Variants in CACNA1A observed in about 807,000 individuals in gnomAD.
CACNA1A encodes calcium voltage-gated channel subunit alpha1 A, also known as voltage-dependent P/Q-type calcium channel subunit alpha-1A.
A neutral mutation model predicts 262.4 loss-of-function variants in CACNA1A; 57 were observed. That is an observed-to-expected ratio of 0.22 (90% CI 0.18 to 0.27). The LOEUF is 0.27. Among genes scored for constraint, CACNA1A ranks in the 10% least tolerant of loss-of-function variants. The pLI is 1.00. For missense variants in CACNA1A, 2,526 were observed against 3,562.8 expected (o/e 0.71, Z 7.41); for synonymous variants, 1,431 against 1,419.3 (o/e 1.01, Z -0.18).
intron 1 of CACNA1A, among the ~76,000 whole-genome samples, chr19:13,500,589 A>G (rs1267384360): frequency 6.6e-6 from 1 of 152,232 alleles, no homozygotes; most frequent in Non-Finnish European, 1.5e-5. Context: ...AAAGATGGGA[A>G]TGTAAAATGG....
chr19:13,258,529 C>T (rs548239314), intron 27 of CACNA1A: 6 of 152,058 alleles, frequency 3.9e-5, no homozygotes, highest in African/African-American at 1.2e-4. Context: ...AAGTCTATTG[C>T]GATGATTTTC....
At chr19:13,430,219 T>TATATATATATATATA (rs549050308) in intron 3 of CACNA1A, among the ~76,000 whole-genome samples, 1 of 149,672 alleles carries the variant, frequency 6.7e-6, no homozygotes, top group African/African-American at 2.5e-5. Context: ...ATATATATAT[T>TATATATATATATATA]TTTTGAGACA....
intron 1 of CACNA1A, among the ~76,000 whole-genome samples, chr19:13,496,896 A>C (rs991702937): frequency 6.6e-6 from 1 of 152,192 alleles, no homozygotes; most frequent in East Asian, 1.9e-4. Context: ...TAATCCTCCC[A>C]GATAGGAGCT....
chr19:13,230,101 C>G lies in CACNA1A; in HGVS notation c.5509G>C (p.Glu1837Gln), dbSNP rs1408989522. ...TCTTACCAAGCTGCGGGGTCATACT[C>G]GGCCCAGACACGCACGTACTCATCC... is the stretch of plus-strand genomic sequence containing the variant. ...HLDEYVRVWAEYDPAAWGRMP... is the reference protein window; with the variant it reads ...HLDEYVRVWAQYDPAAWGRMP... Residue 1837 changes from glutamate (E) to glutamine (Q), a missense_variant, in exon 36 of 47, where the codon GAG becomes CAG. Glu to Gln is a conservative substitution (Grantham distance 29). This residue lies in a region of CACNA1A where 112 missense variants were observed against 197.2 expected (regional missense o/e 0.57). Transcript: ENST00000360228. 10 of 1,613,380 alleles carry G rather than the reference C, an allele frequency of 6.2e-6. No homozygotes were observed.
In CACNA1A at chr19:13,212,157, G is replaced by A; in HGVS notation, c.6249C>T (p.Pro2083=). ...DGYSDSEHYL[P]MEGQGRAASM... ...AGGCAGCCCGGCCCTGGCCTTCCAT[G>A]GGGAGGTAGTGCTCGCTGTCGGAGT... Residue 2083 remains proline (P), a synonymous_variant, in exon 43 of 47, where the codon CCC becomes CCT. Coordinates refer to ENST00000360228, the MANE Select transcript of CACNA1A (RefSeq NM_001127222.2). This position sits in a 1 kb window ranked among gnomAD's most constrained non-coding sequence, Gnocchi z 5.6. The A allele has an allele frequency of 6.2e-7, 1 of 1,613,840 alleles. No individual in the cohort carries two copies. Among genetic ancestry groups the A allele is most frequent in the Non-Finnish European group, 8.5e-7 (1 of 1,179,764 alleles).
chr19:13,496,182 G>A (rs1336704297), intron 1 of CACNA1A, among the ~76,000 whole-genome samples: 1 of 152,198 alleles, frequency 6.6e-6, no homozygotes, highest in East Asian at 1.9e-4. Context: ...AGACTGCGTT[G>A]TGATCAGAAA....
rs1248180253 is a variant in CACNA1A, at chr19:13,298,700, C to G, written c.2933G>C (p.Arg978Pro). The G allele has an allele frequency of 1.4e-6, 2 of 1,459,486 alleles. No homozygotes were observed. Among genetic ancestry groups the G allele is most frequent in the South Asian group, 2.8e-5 (2 of 72,450 alleles). The allele number at this position is 1,459,486 out of a possible 1,614,324, so 90.4% of individuals were successfully genotyped here. The change falls in exon 19 of 47, where the codon CGG becomes CCG. Residue 978 changes from arginine (R) to proline (P), a missense_variant. Around this residue, in one of 17 missense-constraint regions of CACNA1A, gnomAD observed 765 missense variants for 748.6 expected, o/e 1.02. Transcript: ENST00000360228. The part of the protein sequence containing the change: ...GPEDKAERRA[R>P]HREGSRPARG... ...GGCCGGCCGGCTGCCCTCGCGGTGC[C>G]GCGCCCTCCGCTCCGCCTTGTCCTC...
intron 3 of CACNA1A, among the ~76,000 whole-genome samples, chr19:13,419,381 A>G (rs1283231435): frequency 1.3e-5 from 2 of 152,156 alleles, no homozygotes. Context: ...CAGTTCTTAG[A>G]CTATATTTCC....
At chr19:13,344,722 T>C (rs1256873308) in intron 6 of CACNA1A, among the ~76,000 whole-genome samples, 1 of 145,550 alleles carries the variant, frequency 6.9e-6, no homozygotes, top group Non-Finnish European at 1.5e-5. Flanking sequence ...GGGTTCCTGT[T>C]GGTGGATCAT....
intron 30 of CACNA1A, among the ~76,000 whole-genome samples, chr19:13,248,044 G>T (rs2056295247): frequency 6.6e-6 from 1 of 152,100 alleles, no homozygotes; most frequent in Non-Finnish European, 1.5e-5. Context: ...GCAGGAACTG[G>T]CTTAATAATA....
intron 11 of CACNA1A, among the ~76,000 whole-genome samples, chr19:13,314,252 G>C (rs148210667): frequency 1.6e-4 from 25 of 152,200 alleles, no homozygotes; most frequent in African/African-American, 6.0e-4. Context: ...AAGAGACAGA[G>C]GACTGAAACT....
At position 13,212,236 on chromosome 19, in the gene CACNA1A, G is replaced by A; in HGVS notation, c.6190-20C>T. On this transcript the variant is annotated intron_variant, in intron 42 of 46. Transcript: ENST00000360228. This position sits in a 1 kb window ranked among gnomAD's most constrained non-coding sequence, Gnocchi z 5.6. ...CACGGACTGCGGAGCAGATGGCAAAGCCAGATGAGCTCTGGGGCCTGACCT... is the reference window on the plus strand; with the variant it reads ...CACGGACTGCGGAGCAGATGGCAAAACCAGATGAGCTCTGGGGCCTGACCT... 1.2e-6 allele frequency: 2 copies of A among 1,607,578 alleles called. No individual in the cohort carries two copies. Among genetic ancestry groups the A allele is most frequent in the Non-Finnish European group, 1.7e-6 (2 of 1,174,344 alleles).
At chr19:13,318,425 C>T (rs747393309) in intron 10 of CACNA1A, among the ~76,000 whole-genome samples, 2 of 151,950 alleles carry the variant, frequency 1.3e-5, no homozygotes, top group South Asian at 4.2e-4. Context: ...GCCTGGTGGA[C>T]CACAAGGAGG....
At chr19:13,221,783 T>C (rs2055242228) in intron 38 of CACNA1A, among the ~76,000 whole-genome samples, 1 of 152,142 alleles carries the variant, frequency 6.6e-6, no homozygotes, top group African/African-American at 2.4e-5. Context: ...ACATAGAAGC[T>C]GCCTCCAGGA....
At chr19:13,439,938 C>G (rs986265654) in intron 3 of CACNA1A, among the ~76,000 whole-genome samples, 20 of 152,048 alleles carry the variant, frequency 1.3e-4, no homozygotes, top group Non-Finnish European at 2.5e-4. Flanking sequence ...GGTAGGAAAA[C>G]GTGACTGGTT....
intron 30 of CACNA1A, among the ~76,000 whole-genome samples, chr19:13,247,793 T>C (rs1451900132): frequency 6.6e-6 from 1 of 152,204 alleles, no homozygotes; most frequent in African/African-American, 2.4e-5. Context: ...CAGGTGTTGC[T>C]GGGGCCCTGC....
intron 10 of CACNA1A, among the ~76,000 whole-genome samples, chr19:13,327,479 T>C (rs2058383485): frequency 2.1e-5 from 3 of 145,778 alleles, no homozygotes; most frequent in African/African-American, 5.0e-5. Context: ...GATGGCACCA[T>C]TGCTCTCCAG....
intron 17 of CACNA1A, among the ~76,000 whole-genome samples, 177 bp from the exon 18 acceptor site, chr19:13,300,833 A>T (rs554323323): frequency 1.1e-4 from 17 of 152,206 alleles, no homozygotes; most frequent in African/African-American, 3.6e-4. Flanking sequence ...CCCTCTGTGT[A>T]TAAGTTTGAC....
At chr19:13,356,430 G>C (rs1318519675) in intron 6 of CACNA1A, among the ~76,000 whole-genome samples, 1 of 152,182 alleles carries the variant, frequency 6.6e-6, no homozygotes, top group African/African-American at 2.4e-5. Flanking sequence ...AACCCAGACA[G>C]GCTGACACCT....
Sources: gnomAD v4.1 joint callset for allele counts (sites outside exome capture counted in the v4.1 genomes callset) on GRCh38, gnomAD v4.1.1 for gene constraint, gnomAD v4.1.1 regional missense constraint, Gnocchi (gnomAD v3.1) non-coding constraint, MANE v1.5 for transcripts, NCBI Gene and HGNC (gene_info 2026-07-23, HGNC 2026-07-21) for gene names.